Variants in RTL4 observed in about 807,000 individuals in gnomAD.
The protein encoded by RTL4 is retrotransposon Gag like 4.
Under a neutral mutation model 5.3 loss-of-function variants are expected in RTL4, and 4 were observed. The observed-to-expected ratio is 0.75, with a 90% CI of 0.37 to 1.72. RTL4 has a LOEUF of 1.72. Ranked by LOEUF, RTL4 falls within the 40% of genes most tolerant of loss-of-function variation. RTL4 has a pLI of 0.04. For missense variants in RTL4, 260 were observed against 227.1 expected, an observed-to-expected ratio of 1.14 and a Z score of -0.93; for synonymous variants, 98 against 87.3, an observed-to-expected ratio of 1.12 and a Z score of -0.68.
chrX:112,346,572 G>T, the RTL4 span, among the ~76,000 whole-genome samples: 1 of 111,398 alleles, frequency 9.0e-6, no homozygotes, highest in African/African-American at 3.3e-5. Flanking sequence ...GTTCGGGGGT[G>T]AGAATATCCC....
chrX:112,338,550 G>C, the RTL4 span, among the ~76,000 whole-genome samples: 1 of 112,009 alleles, frequency 8.9e-6, no homozygotes, highest in Non-Finnish European at 1.9e-5. Flanking sequence ...CCTAATCTAT[G>C]TTTTACAAAT....
the RTL4 span, among the ~76,000 whole-genome samples, chrX:112,248,773 G>A: frequency 1.8e-5 from 2 of 112,165 alleles, no homozygotes; most frequent in African/African-American, 6.5e-5. Context: ...AAATAGGCTA[G>A]GGGGTAGTGA....
chrX:112,178,059 T>C, the RTL4 span, among the ~76,000 whole-genome samples: 1 of 111,188 alleles, frequency 9.0e-6, no homozygotes, highest in Non-Finnish European at 1.9e-5. Context: ...TTGACATGTT[T>C]AACATAGTGA....
chrX:112,201,108 C>T, the RTL4 span, among the ~76,000 whole-genome samples: 18 of 111,280 alleles, frequency 1.6e-4, no homozygotes, highest in African/African-American at 5.9e-4. Flanking sequence ...GAAGGAGAAG[C>T]AAGGCACCTT....
chrX:112,292,496 C>T, the RTL4 span, among the ~76,000 whole-genome samples: 1 of 111,890 alleles, frequency 8.9e-6, no homozygotes, highest in Non-Finnish European at 1.9e-5. Context: ...TTTCCCAGAA[C>T]ACCTGATAAG....
At chrX:112,238,621 A>G in the RTL4 span, among the ~76,000 whole-genome samples, 1 of 111,895 alleles carries the variant, frequency 8.9e-6, no homozygotes, top group Admixed American at 9.5e-5. Flanking sequence ...GAAGACTATG[A>G]AAAGGAAAAG....
chrX:112,212,306 G>C, the RTL4 span, among the ~76,000 whole-genome samples: 18 of 111,781 alleles, frequency 1.6e-4, no homozygotes, highest in Non-Finnish European at 2.8e-4. Context: ...GAACCCAGGA[G>C]GCGGAGCTTG....
the RTL4 span, among the ~76,000 whole-genome samples, chrX:112,219,780 A>AT: frequency 1.8e-5 from 2 of 112,086 alleles, no homozygotes; most frequent in Non-Finnish European, 3.8e-5. Flanking sequence ...ATATTCTCAA[A>AT]TTTTTTTTGT....
the RTL4 span, among the ~76,000 whole-genome samples, chrX:112,218,630 G>A: frequency 3.6e-5 from 4 of 111,720 alleles, no homozygotes; most frequent in Non-Finnish European, 7.5e-5. Flanking sequence ...TCTAGATGTG[G>A]TATGATCACC....
chrX:112,114,558 T>C, the RTL4 span, among the ~76,000 whole-genome samples: 1 of 111,751 alleles, frequency 8.9e-6, no homozygotes, highest in Non-Finnish European at 1.9e-5. Context: ...CTGATCTGCT[T>C]TAAATCAGAG....
At chrX:112,231,399 A>C in the RTL4 span, among the ~76,000 whole-genome samples, 1 of 110,535 alleles carries the variant, frequency 9.0e-6, no homozygotes, top group Non-Finnish European at 1.9e-5. Context: ...GCCATAAAAA[A>C]GGATGAGTTC....
At chrX:112,373,717 C>T in the RTL4 span, among the ~76,000 whole-genome samples, 1 of 108,390 alleles carries the variant, frequency 9.2e-6, no homozygotes, top group Non-Finnish European at 1.9e-5. Context: ...TATACCAGAA[C>T]AATCAAGGTA....
chrX:112,244,523 CT>C, the RTL4 span, among the ~76,000 whole-genome samples: 1 of 111,000 alleles, frequency 9.0e-6, no homozygotes, highest in African/African-American at 3.3e-5. Context: ...AACCCCTGCC[CT>C]TTTTTTGCTT....
At chrX:112,159,559 A>G in the RTL4 span, among the ~76,000 whole-genome samples, 1 of 112,073 alleles carries the variant, frequency 8.9e-6, no homozygotes, top group African/African-American at 3.2e-5. Context: ...GTAAACCCAG[A>G]AGCTCAGTTA....
chrX:112,187,093 G>C, the RTL4 span, among the ~76,000 whole-genome samples: 9 of 112,091 alleles, frequency 8.0e-5, no homozygotes, highest in African/African-American at 2.9e-4. Flanking sequence ...TTCCCTCTGG[G>C]ATCCAGTAAC....
the RTL4 span, among the ~76,000 whole-genome samples, chrX:112,244,004 T>C: frequency 6.6e-4 from 74 of 112,170 alleles, no homozygotes; most frequent in Non-Finnish European, 1.1e-3. Context: ...AATTGTGTGG[T>C]TTTGAGTGAA....
chrX:112,193,549 C>T, the RTL4 span, among the ~76,000 whole-genome samples: 7 of 111,325 alleles, frequency 6.3e-5, no homozygotes, highest in East Asian at 1.7e-3. Context: ...ATATAGATCC[C>T]TGAGTTTATC....
the RTL4 span, among the ~76,000 whole-genome samples, chrX:112,277,300 C>T: frequency 9.0e-6 from 1 of 111,680 alleles, no homozygotes; most frequent in East Asian, 2.8e-4. Flanking sequence ...ATTAGAATCA[C>T]GTTCTCTGGG....
chrX:112,247,809 T>C, the RTL4 span, among the ~76,000 whole-genome samples: 379 of 112,053 alleles, frequency 3.4e-3, 1 homozygote, highest in Middle Eastern at 0.019. Flanking sequence ...ATGATTGTTT[T>C]TTGGCCATAA....
Sources: gnomAD v4.1 joint callset for allele counts (sites outside exome capture counted in the v4.1 genomes callset) on GRCh38, gnomAD v4.1.1 for gene constraint, MANE v1.5 for transcripts, NCBI Gene and HGNC (gene_info 2026-07-23, HGNC 2026-07-21) for gene names.